The following ERC1 variants were observed in gnomAD, a reference collection of about 807,000 sequenced individuals.
ERC1 encodes the protein RAB6 interacting protein 2.
ERC1 carries 56 observed loss-of-function variants against 132.0 expected under a neutral mutation model. That is an observed-to-expected ratio of 0.42 (90% CI 0.34 to 0.53). The LOEUF (loss-of-function observed/expected upper bound fraction) is 0.53. Among genes scored for constraint, ERC1 ranks in the 20% least tolerant of loss-of-function variants. ERC1 has a pLI of 0.03. For missense variants in ERC1, 1,202 were observed against 1,349.9 expected, an observed-to-expected ratio of 0.89 and a Z score of 1.72; for synonymous variants, 478 against 476.1, an observed-to-expected ratio of 1.00 and a Z score of -0.05.
chr12:1,360,062 G>A (rs898942510), intron 15 of ERC1, among the ~76,000 whole-genome samples: 2 of 151,994 alleles, frequency 1.3e-5, no homozygotes. Flanking sequence ...AGACATTGTC[G>A]TAACTAGGTA....
intron 1 of ERC1, among the ~76,000 whole-genome samples, chr12:1,027,165 A>G (rs1967032113): frequency 6.6e-6 from 1 of 152,246 alleles, no homozygotes; most frequent in African/African-American, 2.4e-5. Context: ...AATGGGATTT[A>G]AAATTTCCTT....
At chr12:1,011,317 A>G (rs375407205) in intron 1 of ERC1, among the ~76,000 whole-genome samples, 4 of 152,036 alleles carry the variant, frequency 2.6e-5, no homozygotes, top group African/African-American at 4.8e-5. Flanking sequence ...CTATCCTCCT[A>G]CCTCAGCTCC....
In ERC1 at chr12:1,495,337, CT is replaced by C. The variant is rs1477653808; in HGVS notation, c.*5113del. The C allele has an allele frequency of 2.2e-5, 5 of 228,454 alleles. No individual in the cohort carries two copies. The highest frequency in any genetic ancestry group is 3.6e-4 in the South Asian group (2 of 5,490). The allele number at this position is 228,454 out of a possible 1,614,324, so 14.2% of individuals were successfully genotyped here. ...AGGCCCTCAATTATTTCCCTTTGAGCTTTTTTAGACCCTAGATCTCCTAGGC... is the reference window on the plus strand; with the variant it reads ...AGGCCCTCAATTATTTCCCTTTGAGCTTTTTAGACCCTAGATCTCCTAGGC... On this transcript the variant is annotated 3_prime_UTR_variant, in exon 19 of 19. Coordinates refer to ENST00000360905, the MANE Select transcript of ERC1 (RefSeq NM_178040.4).
chr12:1,440,427 C>A (rs11061759), intron 17 of ERC1, among the ~76,000 whole-genome samples: 16 of 150,210 alleles, frequency 1.1e-4, no homozygotes, highest in East Asian at 5.9e-4. Context: ...AGGATGGTCT[C>A]GATCTCCTGA....
intron 16 of ERC1, among the ~76,000 whole-genome samples, chr12:1,372,713 C>G (rs1331184101): frequency 6.6e-6 from 1 of 152,244 alleles, no homozygotes; most frequent in South Asian, 2.1e-4. Context: ...GGCGCAGCAT[C>G]CGCGTCCCAG....
At chr12:1,336,594 T>G (rs1226791109) in intron 15 of ERC1, among the ~76,000 whole-genome samples, 1 of 152,228 alleles carries the variant, frequency 6.6e-6, no homozygotes, top group Non-Finnish European at 1.5e-5. Flanking sequence ...TCTAATTTGA[T>G]CATGCTGCGG....
intron 17 of ERC1, among the ~76,000 whole-genome samples, chr12:1,426,185 C>T (rs563899660): frequency 1.3e-5 from 2 of 151,414 alleles, no homozygotes; most frequent in South Asian, 4.2e-4. Flanking sequence ...CTCACTGCAA[C>T]CTCCACCTCC....
intron 14 of ERC1, among the ~76,000 whole-genome samples, chr12:1,272,107 A>G (rs1045778366): frequency 2.0e-5 from 3 of 152,226 alleles, no homozygotes; most frequent in African/African-American, 7.2e-5. Context: ...CTTAGAAATT[A>G]TGACCTTGGG....
intron 2 of ERC1, among the ~76,000 whole-genome samples, chr12:1,028,918 A>C (rs550032285): frequency 7.9e-5 from 12 of 151,326 alleles, no homozygotes; most frequent in Admixed American, 2.0e-4. Flanking sequence ...CTATTACCAA[A>C]TGTATTTTAG....
intron 1 of ERC1, among the ~76,000 whole-genome samples, chr12:993,086 G>A (rs1329973248): frequency 1.3e-5 from 2 of 152,184 alleles, no homozygotes; most frequent in Non-Finnish European, 2.9e-5. Flanking sequence ...AGAGAGGTAT[G>A]GGAAACAGGA....
At chr12:1,031,422 C>T (rs998658604) in intron 2 of ERC1, among the ~76,000 whole-genome samples, 6 of 152,102 alleles carry the variant, frequency 3.9e-5, no homozygotes, top group African/African-American at 1.2e-4. Context: ...ATATCTAAAT[C>T]GTTATTTTTA....
intron 17 of ERC1, among the ~76,000 whole-genome samples, chr12:1,440,502 G>A (rs538691045): frequency 5.2e-4 from 76 of 145,870 alleles, no homozygotes; most frequent in South Asian, 1.5e-3. Flanking sequence ...CACCGCGCCC[G>A]GCCTTTTTTT....
At chr12:1,342,405 T>A (rs1007325314) in intron 15 of ERC1, among the ~76,000 whole-genome samples, 8 of 148,840 alleles carry the variant, frequency 5.4e-5, no homozygotes, top group Non-Finnish European at 1.2e-4. Context: ...AGGCAGAGGT[T>A]GCAGTGAGCC....
Position 1,342,294 on chromosome 12 carries a change from G to A in ERC1, c.2781-29539G>A, listed in dbSNP as rs187994848. On this transcript the variant is annotated intron_variant, in intron 15 of 18. Coordinates refer to ENST00000360905, the MANE Select transcript of ERC1 (RefSeq NM_178040.4). ...AGCCTGGCCAATATGGTGAAACCCC[G>A]TCTCTACTAAAAAAATACAAAAATT... is the stretch of plus-strand genomic sequence containing the variant. Among the ~76,000 whole-genome samples, 6 of 151,584 alleles carry A rather than the reference G, an allele frequency of 4.0e-5. No individual in the cohort carries two copies. The East Asian group carries it at 5.8e-4, about 15-fold the overall frequency.
intron 1 of ERC1, among the ~76,000 whole-genome samples, chr12:1,024,202 G>C (rs1268967352): frequency 1.3e-5 from 2 of 152,176 alleles, no homozygotes; most frequent in Non-Finnish European, 2.9e-5. Context: ...GCAACATGGT[G>C]AAACCCCACC....
At chr12:1,021,614 G>A (rs186525412) in intron 1 of ERC1, among the ~76,000 whole-genome samples, 7 of 151,652 alleles carry the variant, frequency 4.6e-5, no homozygotes, top group Admixed American at 4.6e-4. Flanking sequence ...CAGAAGAATG[G>A]CATGAACCCG....
At position 1,490,687 on chromosome 12, in the gene ERC1, T is replaced by A. The variant is rs1013085581; in HGVS notation, c.*457T>A. ...TAATATCACAATAGGTGCTTTCTCC[T>A]AAAAGGGCAAAAAACAATCTCAAAA... On this transcript the variant is annotated 3_prime_UTR_variant, in exon 19 of 19. Transcript: ENST00000360905. 9.5e-6 allele frequency: 2 copies of A among 209,958 alleles called. No individual in the cohort carries two copies. Among genetic ancestry groups the A allele is most frequent in the Non-Finnish European group, 1.9e-5 (2 of 103,686 alleles). The allele number at this position is 209,958 out of a possible 1,614,324, so 13.0% of individuals were successfully genotyped here.
At chr12:1,468,086 T>C (rs1054718317) in intron 18 of ERC1, among the ~76,000 whole-genome samples, 11 of 152,238 alleles carry the variant, frequency 7.2e-5, no homozygotes, top group African/African-American at 2.4e-4. Flanking sequence ...ATCTACAGTA[T>C]GTGAGAAATC....
chr12:1,046,151 A>G (rs1971048376), intron 2 of ERC1, among the ~76,000 whole-genome samples: 1 of 152,220 alleles, frequency 6.6e-6, no homozygotes, highest in Non-Finnish European at 1.5e-5. Flanking sequence ...ACATGACTAC[A>G]TAGTATTACT....
Sources: allele counts gnomAD v4.1 joint callset (sites outside exome capture counted in the v4.1 genomes callset), GRCh38; gene constraint gnomAD v4.1.1; transcripts MANE v1.5; gene names NCBI Gene and HGNC (gene_info 2026-07-23, HGNC 2026-07-21).